The following IQCJ variants were observed in gnomAD, a reference collection of about 807,000 sequenced individuals.
IQCJ encodes IQ domain-containing protein J.
Under a neutral mutation model 11.0 loss-of-function variants are expected in IQCJ, and 9 were observed. That is an observed-to-expected ratio of 0.82 (90% CI 0.49 to 1.43). The LOEUF (loss-of-function observed/expected upper bound fraction) is 1.43. IQCJ is among the 40% of genes most tolerant of loss of function. The pLI, the probability that IQCJ is intolerant of heterozygous loss-of-function variation, is 0.00. For synonymous variants in IQCJ, 55 were observed against 51.3 expected (o/e 1.07, Z -0.31); for missense variants, 146 against 133.2 (o/e 1.10, Z -0.47).
intron 1 of IQCJ, among the ~76,000 whole-genome samples, chr3:159,240,058 G>C (rs1293913733): frequency 6.6e-6 from 1 of 152,058 alleles, no homozygotes; most frequent in East Asian, 1.9e-4. Flanking sequence ...TTGGAGGTGG[G>C]GTGTGATATG....
intron 1 of IQCJ, among the ~76,000 whole-genome samples, chr3:159,230,052 A>AC (rs897217629): frequency 6.6e-6 from 1 of 150,430 alleles, no homozygotes; most frequent in African/African-American, 2.5e-5. Flanking sequence ...CCTTACCTCC[A>AC]CCCTCTTATA....
In IQCJ at chr3:159,262,988, A is replaced by G. The variant is rs1728305662; in HGVS notation, c.*257A>G. 8.6e-7 allele frequency: 1 copy of G among 1,168,630 alleles called. No individual in the cohort carries two copies. 72.4% of individuals were successfully genotyped at this position (1,168,630 alleles called of 1,614,324 possible). On this transcript the variant is annotated 3_prime_UTR_variant, in exon 4 of 4. Coordinates refer to ENST00000397832, the MANE Select transcript of IQCJ (RefSeq NM_001042706.3). The stretch of plus-strand genomic sequence containing the variant: ...TTTATAATAGCATATTTCTTTTAGT[A>G]TGTGCTGTGTGTTTCTTTTATTGTG...
chr3:159,214,977 T>C (rs187163973), intron 1 of IQCJ, among the ~76,000 whole-genome samples: 9 of 152,280 alleles, frequency 5.9e-5, no homozygotes, highest in East Asian at 5.8e-4. Flanking sequence ...AAAGAAGATA[T>C]TGGGGAGAAA....
intron 1 of IQCJ, 22 bp from the exon 2 acceptor site, chr3:159,245,821 A>T: frequency 2.0e-6 from 3 of 1,531,974 alleles, no homozygotes; most frequent in Non-Finnish European, 2.7e-6. Flanking sequence ...AATTTGTAAG[A>T]TATATCTTCT....
At chr3:159,251,205 C>T (rs1232576738) in intron 2 of IQCJ, among the ~76,000 whole-genome samples, 1 of 152,024 alleles carries the variant, frequency 6.6e-6, no homozygotes, top group Admixed American at 6.6e-5. Context: ...CAGGACATTC[C>T]TTTCTAAAAA....
At chr3:159,105,378 C>G (rs1718190528) in intron 1 of IQCJ, among the ~76,000 whole-genome samples, 2 of 152,186 alleles carry the variant, frequency 1.3e-5, no homozygotes, top group South Asian at 4.1e-4. Context: ...GAGCTGTAGG[C>G]TGACGGGGAA....
chr3:159,246,606 T>A (rs1441285738), intron 2 of IQCJ, among the ~76,000 whole-genome samples: 1 of 152,186 alleles, frequency 6.6e-6, no homozygotes, highest in Non-Finnish European at 1.5e-5. Context: ...CTAGTCAAGC[T>A]GGTTGGGTGT....
chr3:159,136,906 T>C (rs1327703865), intron 1 of IQCJ, among the ~76,000 whole-genome samples: 1 of 152,160 alleles, frequency 6.6e-6, no homozygotes, highest in Non-Finnish European at 1.5e-5. Flanking sequence ...TGGTGTAAAT[T>C]GACAGCACAA....
chr3:159,108,468 G>A (rs1316509587), intron 1 of IQCJ, among the ~76,000 whole-genome samples: 2 of 152,126 alleles, frequency 1.3e-5, no homozygotes, highest in East Asian at 3.9e-4. Context: ...TTGGATCAAA[G>A]GGGAGTTTCG....
Position 159,205,809 on chromosome 3 carries a change from T to C in IQCJ, c.10-40034T>C, listed in dbSNP as rs1195295094. On this transcript the variant is annotated intron_variant, in intron 1 of 3. Transcript: ENST00000397832. ...ATGTTTCTCTGTGGCAGGCAAATTCTGGCAAATTGACTGTTTCTGCTTCCA... is the reference window on the plus strand; with the variant it reads ...ATGTTTCTCTGTGGCAGGCAAATTCCGGCAAATTGACTGTTTCTGCTTCCA... Among the ~76,000 whole-genome samples, 3 of 152,212 alleles carry C rather than the reference T, an allele frequency of 2.0e-5. No homozygotes were observed. In the East Asian group the frequency reaches 5.8e-4, roughly 29 times the overall value.
At chr3:159,171,288 G>C (rs76707221) in intron 1 of IQCJ, among the ~76,000 whole-genome samples, 5,755 of 152,252 alleles carry the variant, frequency 0.038, 357 homozygotes, top group African/African-American at 0.13. Flanking sequence ...TTACGTACAT[G>C]AATGTAGGAG....
chr3:159,125,548 T>C (rs1286643502), intron 1 of IQCJ, among the ~76,000 whole-genome samples: 7 of 152,088 alleles, frequency 4.6e-5, no homozygotes, highest in African/African-American at 1.7e-4. Context: ...GGATGTGGGG[T>C]ATATGGGAAG....
chr3:159,175,005 C>T (rs1722694977), intron 1 of IQCJ, among the ~76,000 whole-genome samples: 1 of 152,090 alleles, frequency 6.6e-6, no homozygotes, highest in African/African-American at 2.4e-5. Context: ...CCCTCTTCCA[C>T]CAGCAATATA....
Position 159,262,949 on chromosome 3 carries a change from C to CT in IQCJ, c.*224dup. 4 of 1,283,328 alleles carry CT rather than the reference C, an allele frequency of 3.1e-6. No individual in the cohort carries two copies. In the South Asian group the frequency reaches 1.1e-4, roughly 36 times the overall value. The allele number at this position is 1,283,328 out of a possible 1,614,324, so 79.5% of individuals were successfully genotyped here. A position where few individuals can be genotyped will look rare whatever the true frequency, so the allele number is the denominator to read the frequency against. ...TCTCATTTCTCTATTATGGAGGTAT[C>CT]TTTTTTGCTTTTCTTTATAATAGCA... is the stretch of plus-strand genomic sequence containing the variant. On this transcript the variant is annotated 3_prime_UTR_variant, in exon 4 of 4. Coordinates refer to ENST00000397832, the MANE Select transcript of IQCJ (RefSeq NM_001042706.3).
chr3:159,251,926 A>T (rs1344324655), intron 2 of IQCJ, among the ~76,000 whole-genome samples: 1 of 152,184 alleles, frequency 6.6e-6, no homozygotes, highest in Non-Finnish European at 1.5e-5. Context: ...TGCCTATGAC[A>T]GTGTGTTATA....
At chr3:159,144,449 G>A (rs539374238) in intron 1 of IQCJ, among the ~76,000 whole-genome samples, 1 of 152,272 alleles carries the variant, frequency 6.6e-6, no homozygotes, top group African/African-American at 2.4e-5. Context: ...CAAACATGTA[G>A]TTGACAATTC....
intron 1 of IQCJ, among the ~76,000 whole-genome samples, chr3:159,181,909 A>G (rs527595589): frequency 4.1e-5 from 6 of 147,656 alleles, no homozygotes; most frequent in African/African-American, 1.6e-4. Context: ...ACAATTTAAT[A>G]AGAATTCAAT....
intron 1 of IQCJ, among the ~76,000 whole-genome samples, chr3:159,205,919 C>A (rs1258638254): frequency 1.3e-5 from 2 of 152,192 alleles, no homozygotes; most frequent in East Asian, 3.8e-4. Flanking sequence ...CTGCAGCCCC[C>A]TACCCAACCC....
In IQCJ at chr3:159,159,400, C is replaced by T. The variant is rs1256832602; in HGVS notation, c.10-86443C>T. Among the ~76,000 whole-genome samples, 3 of 152,226 alleles carry T rather than the reference C, an allele frequency of 2.0e-5. No individual in the cohort carries two copies. In the East Asian group the frequency reaches 5.8e-4, roughly 29 times the overall value. ...TGCTCTTTCTAGGAATTAGCTAGCT[C>T]TGGGAGGTACAGTCTCTCCATGATC... On this transcript the variant is annotated intron_variant, in intron 1 of 3. Coordinates refer to ENST00000397832, the MANE Select transcript of IQCJ (RefSeq NM_001042706.3).
Sources: allele counts gnomAD v4.1 joint callset (sites outside exome capture counted in the v4.1 genomes callset), GRCh38; gene constraint gnomAD v4.1.1; transcripts MANE v1.5; gene names NCBI Gene and HGNC (gene_info 2026-07-23, HGNC 2026-07-21).